The following KSR2 variants were observed in gnomAD, a reference collection of about 807,000 sequenced individuals.
The protein encoded by KSR2 is kinase suppressor of ras 2.
A neutral mutation model predicts 107.8 loss-of-function variants in KSR2; 25 were observed. The ratio of observed to expected loss-of-function variants is 0.23; its 90% CI spans 0.17 to 0.32. KSR2 has a LOEUF of 0.32. Ranked by LOEUF, KSR2 falls within the 10% of genes least tolerant of loss-of-function variation. The pLI is 1.00. For synonymous variants in KSR2, 480 were observed against 507.0 expected, an observed-to-expected ratio of 0.95 and a Z score of 0.71; for missense variants, 887 against 1,268.9, an observed-to-expected ratio of 0.70 and a Z score of 4.57.
At chr12:117,571,748 C>T (rs1878908954) in intron 7 of KSR2, among the ~76,000 whole-genome samples, 1 of 152,284 alleles carries the variant, frequency 6.6e-6, no homozygotes, top group East Asian at 1.9e-4. Flanking sequence ...CTTAGTTGAT[C>T]AGACCCTTCG....
At chr12:117,530,404 G>T (rs549286142) in intron 12 of KSR2, among the ~76,000 whole-genome samples, 1 of 152,172 alleles carries the variant, frequency 6.6e-6, no homozygotes, top group Non-Finnish European at 1.5e-5. Flanking sequence ...CATGGAGAAA[G>T]CAACCATGCA....
rs1358101109 is a variant in KSR2 at position 117,457,364 on chromosome 12, T to A, written c.*9835A>T. On this transcript the variant is annotated 3_prime_UTR_variant, in exon 20 of 20. Transcript: ENST00000339824. ...AGACAACTCAGGGGACATCTGGCAA[T>A]GTCTGGAGATGGTTTTGGATGTCAC... is the stretch of plus-strand genomic sequence containing the variant. 1 of 152,214 alleles carries A rather than the reference T, an allele frequency of 6.6e-6. No individual in the cohort carries two copies. Among genetic ancestry groups the A allele is most frequent in the Non-Finnish European group, 1.5e-5 (1 of 68,044 alleles). 9.4% of individuals were successfully genotyped at this position (152,214 alleles called of 1,614,324 possible). A position where few individuals can be genotyped will look rare whatever the true frequency, so the allele number is the denominator to read the frequency against.
intron 5 of KSR2, among the ~76,000 whole-genome samples, chr12:117,650,058 T>C (rs1883824291): frequency 6.6e-6 from 1 of 152,306 alleles, no homozygotes; most frequent in African/African-American, 2.4e-5. Context: ...CTTGATTGGA[T>C]TGAGGGATAC....
intron 5 of KSR2, among the ~76,000 whole-genome samples, chr12:117,626,947 T>C (rs1882552033): frequency 6.6e-6 from 1 of 152,204 alleles, no homozygotes; most frequent in Non-Finnish European, 1.5e-5. Flanking sequence ...TTGATCCCTT[T>C]ACCATTATGT....
Position 117,968,634 on chromosome 12 carries a change from AGAGGAGGAGGAGGGAGAG to A in KSR2, c.-397_-380del. ...AGAAGGAGGAGAGAGAGGAGGAGGGAGAGGAGGAGGAGGGAGAGGAGGAGGAGGAGAAGGAAAATAGCG... is the reference window on the plus strand; with the variant it reads ...AGAAGGAGGAGAGAGAGGAGGAGGGAGAGGAGGAGGAGAAGGAAAATAGCG... On this transcript the variant is annotated 5_prime_UTR_variant, in exon 1 of 20. Coordinates refer to ENST00000339824, the MANE Select transcript of KSR2 (RefSeq NM_173598.6). The A allele has an allele frequency of 3.7e-6, 1 of 269,326 alleles. No individual in the cohort carries two copies. The highest frequency in any genetic ancestry group is 6.2e-6 in the Non-Finnish European group (1 of 160,242). The allele number at this position is 269,326 out of a possible 1,614,324, so 16.7% of individuals were successfully genotyped here.
chr12:117,576,931 C>T (rs957330025), intron 7 of KSR2, among the ~76,000 whole-genome samples: 4 of 152,194 alleles, frequency 2.6e-5, no homozygotes, highest in African/African-American at 7.2e-5. Context: ...GCTGAGATTA[C>T]AGGCATGAGA....
At chr12:117,592,267 C>T (rs545133973) in intron 5 of KSR2, among the ~76,000 whole-genome samples, 1 of 151,942 alleles carries the variant, frequency 6.6e-6, no homozygotes, top group Admixed American at 6.6e-5. Flanking sequence ...GTACCCACAA[C>T]CACGACTGGC....
At chr12:117,911,303 G>A (rs577574742) in intron 1 of KSR2, among the ~76,000 whole-genome samples, 4 of 152,122 alleles carry the variant, frequency 2.6e-5, no homozygotes, top group African/African-American at 4.8e-5. Context: ...TGCCACATCC[G>A]AGCCAAATAC....
chr12:117,856,286 G>A (rs527738001), intron 2 of KSR2, among the ~76,000 whole-genome samples: 4 of 152,180 alleles, frequency 2.6e-5, no homozygotes, highest in Admixed American at 1.3e-4. Flanking sequence ...AACTTTCACC[G>A]CCACCCCATG....
rs764021316 is a variant in KSR2, at chr12:117,968,145, G to A, written c.111C>T (p.Asn37=). 6.2e-7 allele frequency: 1 copy of A among 1,611,556 alleles called. No individual in the cohort carries two copies. Among genetic ancestry groups the A allele is most frequent in the Non-Finnish European group, 8.5e-7 (1 of 1,179,586 alleles). ...VQNMIDLSIS[N]LEGLRTKCAT... ...CACATTTGGTCCTAAGCCCTTCCAG[G>A]TTGGAGATGCTCAAGTCTATCATGT... The change falls in exon 1 of 20, where the codon AAC becomes AAT. Residue 37 remains asparagine (N), a synonymous_variant. Coordinates refer to ENST00000339824, the MANE Select transcript of KSR2 (RefSeq NM_173598.6).
intron 14 of KSR2, among the ~76,000 whole-genome samples, chr12:117,496,993 T>C (rs1276840678): frequency 6.6e-6 from 1 of 151,178 alleles, no homozygotes; most frequent in African/African-American, 2.4e-5. Flanking sequence ...TTGTACATGG[T>C]GGTACACACC....
chr12:117,788,350 G>A (rs770645971), intron 3 of KSR2, among the ~76,000 whole-genome samples: 1 of 152,196 alleles, frequency 6.6e-6, no homozygotes, highest in African/African-American at 2.4e-5. Context: ...GACTAGATCT[G>A]TGTTTTCCAA....
rs950014288 is a variant in KSR2 at position 117,782,071 on chromosome 12, G to A, written c.473-20547C>T. On this transcript the variant is annotated intron_variant, in intron 3 of 19. Transcript: ENST00000339824. ...TGCTGGGAGATAGGGTAGCAAATTC[G>A]AATTGTTCTGTTGATTATTCTTTCC... Among the ~76,000 whole-genome samples, 33 of 152,108 alleles carry A rather than the reference G, an allele frequency of 2.2e-4. 2 individuals are homozygous for A. The highest frequency in any genetic ancestry group is 1.9e-4 in the East Asian group (1 of 5,190).
At chr12:117,935,004 T>G (rs1280786001) in intron 1 of KSR2, among the ~76,000 whole-genome samples, 1 of 149,500 alleles carries the variant, frequency 6.7e-6, no homozygotes, top group African/African-American at 2.5e-5. Context: ...TTTTAAAAAT[T>G]TTTTGTAGAG....
At position 117,900,371 on chromosome 12, in the gene KSR2, A is replaced by T. The variant is rs1894644907; in HGVS notation, c.181-39940T>A. On this transcript the variant is annotated intron_variant, in intron 1 of 19. Coordinates refer to ENST00000339824, the MANE Select transcript of KSR2 (RefSeq NM_173598.6). ...TCAGGAACAGACCCTATAAGAAAGA[A>T]ACCTTGATAGCAGCTAAAGGAAAGG... Among the ~76,000 whole-genome samples the T allele has an allele frequency of 2.0e-5, 3 of 152,212 alleles. No individual in the cohort carries two copies. In the South Asian group the frequency reaches 6.2e-4, roughly 32 times the overall value.
At chr12:117,751,192 C>T (rs1888600351) in intron 4 of KSR2, among the ~76,000 whole-genome samples, 1 of 152,170 alleles carries the variant, frequency 6.6e-6, no homozygotes, top group Admixed American at 6.5e-5. Flanking sequence ...CTGCACTTCT[C>T]CTTGCTGCCG....
At chr12:117,793,246 GCA>G (rs1243006660) in intron 3 of KSR2, among the ~76,000 whole-genome samples, 2 of 117,228 alleles carry the variant, frequency 1.7e-5, no homozygotes, top group Non-Finnish European at 3.4e-5. Context: ...ACACCAACCT[GCA>G]CACACCCTCA....
At chr12:117,700,476 C>T (rs986556188) in intron 4 of KSR2, among the ~76,000 whole-genome samples, 11 of 152,182 alleles carry the variant, frequency 7.2e-5, no homozygotes, top group Admixed American at 2.6e-4. Flanking sequence ...GAACAAGGTC[C>T]TTAATGAACA....
chr12:117,488,761 A>G (rs971081133), intron 14 of KSR2, among the ~76,000 whole-genome samples: 5 of 151,028 alleles, frequency 3.3e-5, no homozygotes, highest in African/African-American at 1.2e-4. Context: ...CAGTGGCGCA[A>G]TGTTGGCTCA....
Sources: gnomAD v4.1 joint callset for allele counts (sites outside exome capture counted in the v4.1 genomes callset) on GRCh38, gnomAD v4.1.1 for gene constraint, MANE v1.5 for transcripts, NCBI Gene and HGNC (gene_info 2026-07-23, HGNC 2026-07-21) for gene names.